The following TMEM50A variants were observed in gnomAD, a reference collection of about 807,000 sequenced individuals.
TMEM50A encodes transmembrane protein 50A.
Under a neutral mutation model 23.9 loss-of-function variants are expected in TMEM50A, and 8 were observed. The observed-to-expected ratio is 0.33, with a 90% CI of 0.20 to 0.60. The LOEUF is 0.60. Among genes scored for constraint, TMEM50A ranks in the 20% least tolerant of loss-of-function variants. The pLI, the probability that TMEM50A is intolerant of heterozygous loss-of-function variation, is 0.81. For missense variants in TMEM50A, 178 were observed against 192.7 expected (o/e 0.92, Z 0.45); for synonymous variants, 55 against 60.4 (o/e 0.91, Z 0.41).
intron 3 of TMEM50A, among the ~76,000 whole-genome samples, chr1:25,343,713 A>C (rs1645187490): frequency 6.6e-6 from 1 of 152,146 alleles, no homozygotes; most frequent in Non-Finnish European, 1.5e-5. Context: ...GCAGAGTCAG[A>C]GAAGGTCTCA....
At position 25,338,389 on chromosome 1, in the gene TMEM50A, CGGG is replaced by C. The variant is rs1387594791; in HGVS notation, c.-78_-76del. 6 of 153,104 alleles carry C rather than the reference CGGG, an allele frequency of 3.9e-5. No individual in the cohort carries two copies. Among genetic ancestry groups the C allele is most frequent in the African/African-American group, 1.2e-4 (5 of 41,454 alleles). The allele number at this position is 153,104 out of a possible 1,614,324, so 9.5% of individuals were successfully genotyped here. A position where few individuals can be genotyped will look rare whatever the true frequency, so the allele number is the denominator to read the frequency against. ...GCCGTTTTGTTTTCTTGGCTAAAAT[CGGG>C]GGAGTGAGGCGGGCCGGCGCGGCGC... On this transcript the variant is annotated 5_prime_UTR_variant, in exon 1 of 7. Coordinates refer to ENST00000374358, the MANE Select transcript of TMEM50A (RefSeq NM_014313.4).
Position 25,356,853 on chromosome 1 carries a change from G to GA in TMEM50A, c.428_428+1insA (p.Gly144ArgfsTer5). On this transcript the variant is annotated frameshift_variant and splice_region_variant. Transcript: ENST00000374358. LOFTEE classifies it high-confidence loss of function. ...TTCCAGAATGCCTTCATCTTTTTTG[G>GA]GTAAGTTTGTTTTGCATTCTTTATG... 1 of 1,575,028 alleles carries GA rather than the reference G, an allele frequency of 6.3e-7. No individual in the cohort carries two copies.
chr1:25,344,868 C>G (rs1163557213), intron 3 of TMEM50A, among the ~76,000 whole-genome samples: 1 of 151,908 alleles, frequency 6.6e-6, no homozygotes, highest in African/African-American at 2.4e-5. Context: ...CCTAGAGTTT[C>G]TAGCTGCCTT....
chr1:25,354,228 G>A (rs1057308045), intron 5 of TMEM50A, among the ~76,000 whole-genome samples: 1 of 152,080 alleles, frequency 6.6e-6, no homozygotes, highest in Non-Finnish European at 1.5e-5. Context: ...GGGCTCAAGT[G>A]ATCTGCCTGC....
Position 25,356,942 on chromosome 1 carries a change from C to T in TMEM50A, c.428+89C>T, listed in dbSNP as rs1327762279. On this transcript the variant is annotated intron_variant, in intron 6 of 6. Transcript: ENST00000374358. ...TTTTCTATATTTAGTTGCCTAATTA[C>T]TCATCCAATGCCCCTCCCCCATGAT... The T allele has an allele frequency of 8.2e-6, 7 of 856,752 alleles. No homozygotes were observed. The East Asian group carries it at 1.1e-4, about 13-fold the overall frequency. 53.1% of individuals were successfully genotyped at this position (856,752 alleles called of 1,614,324 possible).
At chr1:25,353,267 T>C (rs1173196838) in intron 5 of TMEM50A, among the ~76,000 whole-genome samples, 2 of 152,210 alleles carry the variant, frequency 1.3e-5, no homozygotes, top group African/African-American at 2.4e-5. Flanking sequence ...GAACATATGT[T>C]ATCTAGCTAG....
At chr1:25,358,847 T>TA (rs1169316027) in intron 6 of TMEM50A, among the ~76,000 whole-genome samples, 4 of 152,244 alleles carry the variant, frequency 2.6e-5, no homozygotes, top group Admixed American at 6.5e-5. Flanking sequence ...TTTTCTTTGT[T>TA]ACAGCAGTAG....
At chr1:25,341,926 G>C (rs1015934367) in intron 2 of TMEM50A, among the ~76,000 whole-genome samples, 12 of 151,874 alleles carry the variant, frequency 7.9e-5, no homozygotes, top group African/African-American at 2.9e-4. Context: ...GCCCAGGCTG[G>C]TCTCCTACTC....
Position 25,362,183 on chromosome 1 carries a change from T to C in TMEM50A, c.*1478T>C, listed in dbSNP as rs1485887892. 4.4e-6 allele frequency: 2 copies of C among 457,950 alleles called. No individual in the cohort carries two copies. Among genetic ancestry groups the C allele is most frequent in the Admixed American group, 7.3e-5 (2 of 27,558 alleles). The allele number at this position is 457,950 out of a possible 1,614,324, so 28.4% of individuals were successfully genotyped here. A position where few individuals can be genotyped will look rare whatever the true frequency, so the allele number is the denominator to read the frequency against. Reference sequence around the variant, plus strand: ...TGTTTTGTATTATCTGCTTTGCTGATGTAGACAAGAGTTAACTGAGTAGCA... The same window carrying C: ...TGTTTTGTATTATCTGCTTTGCTGACGTAGACAAGAGTTAACTGAGTAGCA... On this transcript the variant is annotated 3_prime_UTR_variant, in exon 7 of 7. Transcript: ENST00000374358.
intron 3 of TMEM50A, among the ~76,000 whole-genome samples, chr1:25,345,172 T>C (rs1308601710): frequency 1.3e-5 from 2 of 150,946 alleles, no homozygotes; most frequent in Admixed American, 6.6e-5. Context: ...TGGCCGGGCA[T>C]GGTGGCTCAC....
In TMEM50A at chr1:25,340,517, TC is replaced by T. The variant is rs1645156118; in HGVS notation, c.32del (p.Ser11Ter). On this transcript the variant is annotated frameshift_variant, in exon 2 of 7. Coordinates refer to ENST00000374358, the MANE Select transcript of TMEM50A (RefSeq NM_014313.4). LOFTEE classifies it high-confidence loss of function. ...TGGATTTCTAGAGGGCTTGAGATGC[TC>T]AGAATGCATTGACTGGGGGGAAAAG... MSGFLEGLRCSECIDWGEKRN... is the reference protein window; with the variant it reads MSGFLEGLRCXECIDWGEKRN... The T allele has an allele frequency of 1.2e-6, 2 of 1,613,824 alleles. No homozygotes were observed. Among genetic ancestry groups the T allele is most frequent in the African/African-American group, 1.3e-5 (1 of 74,936 alleles).
rs147442483 is a variant in TMEM50A, at chr1:25,353,792, G to A, written c.367+818G>A. On this transcript the variant is annotated intron_variant, in intron 5 of 6. Coordinates refer to ENST00000374358, the MANE Select transcript of TMEM50A (RefSeq NM_014313.4). ...TGGTCCAGGTAAAATTGCTATGGGT[G>A]TCATAGTAAAAATACAGTATTAATG... Among the ~76,000 whole-genome samples, 4 of 152,228 alleles carry A rather than the reference G, an allele frequency of 2.6e-5. No individual in the cohort carries two copies. The East Asian group carries it at 7.7e-4, about 29-fold the overall frequency.
chr1:25,354,452 A>C (rs979766635), intron 5 of TMEM50A, among the ~76,000 whole-genome samples: 2 of 152,072 alleles, frequency 1.3e-5, no homozygotes, highest in Non-Finnish European at 2.9e-5. Context: ...ATCTCTACAA[A>C]TAATAAATAT....
chr1:25,344,618 G>A (rs1645195068), intron 3 of TMEM50A, among the ~76,000 whole-genome samples: 3 of 151,684 alleles, frequency 2.0e-5, no homozygotes, highest in Admixed American at 6.6e-5. Context: ...GGGCTCAAGC[G>A]ATCCACCTGC....
At chr1:25,351,729 T>C in intron 4 of TMEM50A, 36 bp downstream of exon 4, 1 of 1,564,928 alleles carries the variant, frequency 6.4e-7, no homozygotes, top group Non-Finnish European at 8.7e-7. Context: ...TTATACATGC[T>C]TAAATCCTTA....
chr1:25,358,149 A>G (rs3093636), intron 6 of TMEM50A, among the ~76,000 whole-genome samples: 1,541 of 151,202 alleles, frequency 0.01, 27 homozygotes, highest in African/African-American at 0.035. Flanking sequence ...GGGTTTCACC[A>G]TGTTAGCCAG....
At chr1:25,351,174 A>AC in intron 3 of TMEM50A, among the ~76,000 whole-genome samples, 1 of 151,256 alleles carries the variant, frequency 6.6e-6, no homozygotes, top group East Asian at 1.9e-4. Context: ...CAAAAAAAAA[A>AC]AAAAAAAAGG....
chr1:25,344,998 C>A (rs889096826), intron 3 of TMEM50A, among the ~76,000 whole-genome samples: 4 of 152,024 alleles, frequency 2.6e-5, no homozygotes. Flanking sequence ...CCCAGAAGCC[C>A]GTATCTGTCT....
chr1:25,357,543 GTGTGTGTGTGTGTGTGTGT>G (rs966367091), intron 6 of TMEM50A, among the ~76,000 whole-genome samples: 5 of 150,386 alleles, frequency 3.3e-5, no homozygotes, highest in African/African-American at 7.4e-5. Flanking sequence ...GTGTGTGTGT[GTGTGTGTGTGTGTGTGTGT>G]TGTGTGTGTG....
Sources: allele counts gnomAD v4.1 joint callset (sites outside exome capture counted in the v4.1 genomes callset), GRCh38; gene constraint gnomAD v4.1.1; transcripts MANE v1.5; gene names NCBI Gene and HGNC (gene_info 2026-07-23, HGNC 2026-07-21).